The following MYLK variants were observed in gnomAD, a reference collection of about 807,000 sequenced individuals.
MYLK encodes myosin light chain kinase, smooth muscle.
A neutral mutation model predicts 203.4 loss-of-function variants in MYLK; 106 were observed. The observed-to-expected ratio is 0.52, with a 90% confidence interval of 0.45 to 0.61. The LOEUF is 0.61. Ranked by LOEUF, MYLK falls within the 20% of genes least tolerant of loss-of-function variation. The pLI is 0.00. For missense variants in MYLK, 2,072 were observed against 2,442.3 expected (o/e 0.85, Z 3.20); for synonymous variants, 867 against 959.5 (o/e 0.90, Z 1.78).
At chr3:123,777,483 C>G (rs1033628111) in intron 4 of MYLK, among the ~76,000 whole-genome samples, 1 of 152,202 alleles carries the variant, frequency 6.6e-6, no homozygotes, top group Non-Finnish European at 1.5e-5. Flanking sequence ...TGAACTGGTC[C>G]ACCCTGAGGT....
chr3:123,637,432 T>C (rs2058680959), intron 29 of MYLK, among the ~76,000 whole-genome samples: 1 of 152,230 alleles, frequency 6.6e-6, no homozygotes. Flanking sequence ...CTAATGTTTG[T>C]GAAGTGCCGG....
At chr3:123,846,268 G>T (rs1361944139) in intron 2 of MYLK, among the ~76,000 whole-genome samples, 3 of 152,144 alleles carry the variant, frequency 2.0e-5, no homozygotes, top group Non-Finnish European at 4.4e-5. Flanking sequence ...ATGTTTGTGT[G>T]AATGCACAGA....
Position 123,707,663 on chromosome 3 carries a change from T to C in MYLK, c.2390+91A>G, listed in dbSNP as rs72970832. On this transcript the variant is annotated intron_variant, in intron 16 of 33. Coordinates refer to ENST00000360304, the MANE Select transcript of MYLK (RefSeq NM_053025.4). ...TGGAAGTCCAAGCCCCACATCAGTT[T>C]GTGCTTCTTCTGGCTGCCCAGACCC... The C allele has an allele frequency of 3.8e-3, 6,034 of 1,603,356 alleles. 165 individuals are homozygous for C. In the African/African-American group the frequency reaches 0.066, roughly 18 times the overall value.
At position 123,649,203 on chromosome 3, in the gene MYLK, G is replaced by T. The variant is rs41443051; in HGVS notation, c.4289-9C>A. ...CACTTCATCCTTCGGCTCTGGGGGG[G>T]GCACAAGGAAGGACAGAGAGGACAC... On this transcript the variant is annotated splice_polypyrimidine_tract_variant and intron_variant, in intron 24 of 33. Transcript: ENST00000360304. 1 of 1,612,184 alleles carries T rather than the reference G, an allele frequency of 6.2e-7. No homozygotes were observed. Among genetic ancestry groups the T allele is most frequent in the Non-Finnish European group, 8.5e-7 (1 of 1,179,988 alleles).
At chr3:123,845,093 G>A (rs969477995) in intron 2 of MYLK, among the ~76,000 whole-genome samples, 8 of 152,138 alleles carry the variant, frequency 5.3e-5, no homozygotes, top group African/African-American at 1.9e-4. Context: ...TGAGGTGACA[G>A]CAAAGATAAT....
At chr3:123,850,092 C>T (rs1577120256) in intron 2 of MYLK, among the ~76,000 whole-genome samples, 1 of 152,184 alleles carries the variant, frequency 6.6e-6, no homozygotes, top group South Asian at 2.1e-4. Context: ...TTTATGGCTG[C>T]ATAGTATTCC....
At chr3:123,745,014 T>C (rs1402245318) in intron 5 of MYLK, among the ~76,000 whole-genome samples, 1 of 152,220 alleles carries the variant, frequency 6.6e-6, no homozygotes, top group Non-Finnish European at 1.5e-5. Context: ...AGAAATGTTA[T>C]ATTTCATTTA....
At chr3:123,694,823 G>A (rs989489264) in intron 18 of MYLK, among the ~76,000 whole-genome samples, 1 of 152,226 alleles carries the variant, frequency 6.6e-6, no homozygotes, top group African/African-American at 2.4e-5. Context: ...GGCCCCCCTA[G>A]CAGGCTTGCA....
intron 4 of MYLK, among the ~76,000 whole-genome samples, chr3:123,758,164 C>G (rs895935043): frequency 4.9e-4 from 75 of 152,068 alleles, no homozygotes; most frequent in Non-Finnish European, 3.2e-4. Flanking sequence ...AAGGGTGAGC[C>G]AGGGGCATGG....
At chr3:123,808,303 C>G (rs1327304513) in intron 3 of MYLK, among the ~76,000 whole-genome samples, 1 of 152,140 alleles carries the variant, frequency 6.6e-6, no homozygotes, top group Non-Finnish European at 1.5e-5. Context: ...CTCACTTACT[C>G]TAGGTGCCTG....
Position 123,726,078 on chromosome 3 carries a change from C to T in MYLK, c.1517G>A (p.Arg506Lys), listed in dbSNP as rs1250428351. 1.2e-6 allele frequency: 2 copies of T among 1,614,006 alleles called. No homozygotes were observed. The highest frequency in any genetic ancestry group is 2.7e-5 in the African/African-American group (2 of 74,918). Reference sequence around the variant, plus strand: ...GGGGGCCACCTCCATCACGGCAAGCCCTGTGAGGGAAAAGGACAGGTCAGC... The same window carrying T: ...GGGGGCCACCTCCATCACGGCAAGCTCTGTGAGGGAAAAGGACAGGTCAGC... The part of the protein sequence containing the change: ...LSCSWTLQVE[R>K]LAVMEVAPSF... The change falls in exon 12 of 34, where the codon AGG becomes AAG. Residue 506 changes from arginine to lysine, a missense_variant and splice_region_variant. By Grantham distance (26) the Arg-to-Lys change is conservative. This residue lies in a region of MYLK where 683 missense variants were observed against 643.8 expected (regional missense o/e 1.06). Transcript: ENST00000360304.
chr3:123,656,656 G>T (rs2059396856), intron 24 of MYLK, among the ~76,000 whole-genome samples: 1 of 152,154 alleles, frequency 6.6e-6, no homozygotes, highest in Non-Finnish European at 1.5e-5. Context: ...TGTCCCCTTG[G>T]TTCTTTTTTT....
chr3:123,807,741 T>G (rs1304063777), intron 3 of MYLK, among the ~76,000 whole-genome samples: 3 of 152,174 alleles, frequency 2.0e-5, no homozygotes, highest in Admixed American at 6.5e-5. Flanking sequence ...GTTCCCAGAA[T>G]GTAGTTAGAG....
chr3:123,672,207 GGAGAGAGAGAGA>G (rs3085308), intron 20 of MYLK, among the ~76,000 whole-genome samples: 3 of 146,444 alleles, frequency 2.0e-5, no homozygotes, highest in Non-Finnish European at 3.0e-5. Context: ...GGCAGGGGGA[GGAGAGAGAGAGA>G]GAGAGAGAGA....
chr3:123,878,101 G>A (rs2148723695), intron 1 of MYLK, among the ~76,000 whole-genome samples: 1 of 152,244 alleles, frequency 6.6e-6, no homozygotes, highest in South Asian at 2.1e-4. Context: ...CCTGTGGTGT[G>A]TCAGGCACCA....
At chr3:123,692,326 C>T (rs1008762380) in intron 19 of MYLK, 30 of 1,161,236 alleles carry the variant, frequency 2.6e-5, no homozygotes, top group Non-Finnish European at 3.2e-5. Context: ...CTGCTCCCTC[C>T]TCCTCACGGC....
intron 4 of MYLK, among the ~76,000 whole-genome samples, chr3:123,771,469 T>G (rs150183984): frequency 0.012 from 1,872 of 152,288 alleles, 39 homozygotes; most frequent in African/African-American, 0.043. Flanking sequence ...CTAAATATTG[T>G]TTTTCTCTTT....
In MYLK at chr3:123,733,872, G is replaced by A. The variant is rs891504781; in HGVS notation, c.1124C>T (p.Ala375Val). The change falls in exon 10 of 34, where the codon GCT becomes GTT. Residue 375 changes from alanine (A) to valine (V), a missense_variant. Around this residue, in one of 3 missense-constraint regions of MYLK, gnomAD observed 683 missense variants for 643.8 expected, o/e 1.06. Transcript: ENST00000360304. Reference protein sequence around the residue: ...SPSGEERKRPAPPRPATFPTR... With the variant: ...SPSGEERKRPVPPRPATFPTR... ...GGGGAAGGTGGCTGGACGGGGAGGAGCTGGCCTCTTCCTCTCTTCTCCAGA... is the reference window on the plus strand; with the variant it reads ...GGGGAAGGTGGCTGGACGGGGAGGAACTGGCCTCTTCCTCTCTTCTCCAGA... The A allele has an allele frequency of 1.2e-6, 2 of 1,614,128 alleles. No homozygotes were observed. The highest frequency in any genetic ancestry group is 1.3e-5 in the African/African-American group (1 of 75,054).
At chr3:123,813,916 T>C (rs996588261) in intron 3 of MYLK, among the ~76,000 whole-genome samples, 2 of 152,146 alleles carry the variant, frequency 1.3e-5, no homozygotes, top group African/African-American at 2.4e-5. Context: ...ACATAACATA[T>C]TATCCAAATG....
Sources: gnomAD v4.1 joint callset for allele counts (sites outside exome capture counted in the v4.1 genomes callset) on GRCh38, gnomAD v4.1.1 for gene constraint, gnomAD v4.1.1 regional missense constraint, MANE v1.5 for transcripts, NCBI Gene and HGNC (gene_info 2026-07-23, HGNC 2026-07-21) for gene names.